SPTLC3: variants seen among roughly 807,000 people sequenced by gnomAD.
SPTLC3 encodes serine palmitoyltransferase 3.
A neutral mutation model predicts 59.3 loss-of-function variants in SPTLC3; 36 were observed. That is an observed-to-expected ratio of 0.61 (90% CI 0.47 to 0.80). The LOEUF is 0.80. SPTLC3 is among the 30% of genes least tolerant of loss of function. The pLI, the probability that SPTLC3 is intolerant of heterozygous loss-of-function variation, is 0.00. For missense variants in SPTLC3, 625 were observed against 685.1 expected, an observed-to-expected ratio of 0.91 and a Z score of 0.98; for synonymous variants, 257 against 240.8, an observed-to-expected ratio of 1.07 and a Z score of -0.62.
At chr20:13,148,926 T>C (rs1349367152) in intron 9 of SPTLC3, among the ~76,000 whole-genome samples, 1 of 152,214 alleles carries the variant, frequency 6.6e-6, no homozygotes, top group African/African-American at 2.4e-5. Flanking sequence ...GTAAACACTT[T>C]TCCCACATTA....
chr20:13,089,798 A>G (rs1034662128), intron 4 of SPTLC3, among the ~76,000 whole-genome samples: 241 of 113,152 alleles, frequency 2.1e-3, no homozygotes, highest in Non-Finnish European at 2.6e-3. Context: ...AAAAAAAAAA[A>G]AAAAAACAAA....
intron 6 of SPTLC3, among the ~76,000 whole-genome samples, chr20:13,104,778 CA>C (rs1375511677): frequency 2.0e-5 from 3 of 152,246 alleles, no homozygotes; most frequent in Middle Eastern, 3.4e-3. Flanking sequence ...TAGATGGTGT[CA>C]AAATTATACT....
chr20:13,137,892 T>C (rs1312585594), intron 9 of SPTLC3, among the ~76,000 whole-genome samples: 1 of 152,122 alleles, frequency 6.6e-6, no homozygotes, highest in East Asian at 1.9e-4. Flanking sequence ...ACTCCAAACA[T>C]AGGTCCCCCT....
At chr20:13,156,768 G>A (rs2038777158) in intron 10 of SPTLC3, among the ~76,000 whole-genome samples, 1 of 152,138 alleles carries the variant, frequency 6.6e-6, no homozygotes, top group African/African-American at 2.4e-5. Context: ...ATCAGTGGTA[G>A]CCATTTCACT....
chr20:13,078,189 T>A (rs993652216), intron 4 of SPTLC3, among the ~76,000 whole-genome samples: 1 of 133,250 alleles, frequency 7.5e-6, no homozygotes, highest in African/African-American at 2.9e-5. Flanking sequence ...AAAGAAAATA[T>A]AAATATAAAT....
At chr20:13,067,317 T>C (rs2122556269) in intron 2 of SPTLC3, among the ~76,000 whole-genome samples, 1 of 152,160 alleles carries the variant, frequency 6.6e-6, no homozygotes, top group East Asian at 1.9e-4. Context: ...GATGAAGGGA[T>C]CTACCCTCAC....
intron 7 of SPTLC3, among the ~76,000 whole-genome samples, chr20:13,112,767 G>A (rs1021472043): frequency 9.2e-5 from 14 of 152,152 alleles, no homozygotes; most frequent in Admixed American, 2.6e-4. Context: ...AGCCTCAATC[G>A]CTCTTGGGGG....
intron 1 of SPTLC3, among the ~76,000 whole-genome samples, chr20:13,020,610 T>C (rs1985830320): frequency 6.6e-6 from 1 of 152,226 alleles, no homozygotes; most frequent in Non-Finnish European, 1.5e-5. Context: ...TATTTTTATA[T>C]ACTCTTTTAA....
chr20:13,054,431 G>A (rs1478998263), intron 2 of SPTLC3, among the ~76,000 whole-genome samples: 1 of 152,200 alleles, frequency 6.6e-6, no homozygotes, highest in Non-Finnish European at 1.5e-5. Context: ...GACATTAAGA[G>A]GTTGATGCAG....
At chr20:13,028,159 A>C (rs1986251559) in intron 1 of SPTLC3, among the ~76,000 whole-genome samples, 1 of 152,208 alleles carries the variant, frequency 6.6e-6, no homozygotes, top group African/African-American at 2.4e-5. Context: ...AGTCCTAAGG[A>C]AACTTGGCTC....
rs371553499 is a variant in SPTLC3, at chr20:13,164,823, C to T, written c.1615C>T (p.Arg539Cys). Residue 539 changes from arginine (R) to cysteine (C), a missense_variant, in exon 12 of 12, where the codon CGT (arginine) becomes TGT (cysteine). Coordinates refer to ENST00000399002, the MANE Select transcript of SPTLC3 (RefSeq NM_018327.4). ...LKYSRHKKSA[R>C]PELYDETSFE... ...ATATTCCCGGCACAAGAAGTCAGCA[C>T]GTCCTGAGCTCTATGATGAGACGAG... 134 of 1,613,690 alleles carry T rather than the reference C, an allele frequency of 8.3e-5. No individual in the cohort carries two copies. The highest frequency in any genetic ancestry group is 1.1e-4 in the Non-Finnish European group (126 of 1,179,868).
At position 13,160,137 on chromosome 20, in the gene SPTLC3, G is replaced by A. The variant is rs770622054; in HGVS notation, c.1545+5G>A. 1.2e-6 allele frequency: 2 copies of A among 1,613,256 alleles called. No homozygotes were observed. Among genetic ancestry groups the A allele is most frequent in the Non-Finnish European group, 1.7e-6 (2 of 1,179,480 alleles). On this transcript the variant is annotated splice_donor_5th_base_variant and intron_variant, in intron 11 of 11. Transcript: ENST00000399002. ...ACCCGGGAGATGTTAGACACGGTGA[G>A]TACACCACAGGCCAACGGGATCTCA...
At chr20:13,043,832 C>T (rs1987102100) in intron 1 of SPTLC3, among the ~76,000 whole-genome samples, 1 of 152,180 alleles carries the variant, frequency 6.6e-6, no homozygotes, top group Admixed American at 6.5e-5. Context: ...GCTCCCTGTC[C>T]CATTGCCTTC....
intron 2 of SPTLC3, among the ~76,000 whole-genome samples, chr20:13,059,958 ACT>A (rs1411253110): frequency 1.3e-5 from 2 of 151,454 alleles, no homozygotes; most frequent in African/African-American, 4.9e-5. Flanking sequence ...CCTGCCTATC[ACT>A]CTGTTACTTA....
At chr20:13,032,237 C>T (rs1423227605) in intron 1 of SPTLC3, among the ~76,000 whole-genome samples, 1 of 152,146 alleles carries the variant, frequency 6.6e-6, no homozygotes, top group Non-Finnish European at 1.5e-5. Flanking sequence ...AATAATGCAG[C>T]CATTGCAGGA....
In SPTLC3 at chr20:13,160,233, G is replaced by A. The variant is rs2038867510; in HGVS notation, c.1545+101G>A. 7.2e-6 allele frequency: 10 copies of A among 1,389,606 alleles called. No homozygotes were observed. In the Admixed American group the frequency reaches 1.3e-4, roughly 18 times the overall value. 86.1% of individuals were successfully genotyped at this position (1,389,606 alleles called of 1,614,324 possible). A position where few individuals can be genotyped will look rare whatever the true frequency, so the allele number is the denominator to read the frequency against. Reference sequence around the variant, plus strand: ...TTGGGGTTCTCTGGGTTTCTCTTGGGTTATTTAGGAAAACAACACTGACAA... The same window carrying A: ...TTGGGGTTCTCTGGGTTTCTCTTGGATTATTTAGGAAAACAACACTGACAA... On this transcript the variant is annotated intron_variant, in intron 11 of 11. Transcript: ENST00000399002.
intron 4 of SPTLC3, among the ~76,000 whole-genome samples, chr20:13,077,572 A>G (rs1488503789): frequency 6.6e-6 from 1 of 152,058 alleles, no homozygotes; most frequent in African/African-American, 2.4e-5. Flanking sequence ...TTAATAAGAA[A>G]CTAACAAGTA....
intron 5 of SPTLC3, 56 bp from the exon 6 acceptor site, chr20:13,093,428 G>C: frequency 6.5e-7 from 1 of 1,534,966 alleles, no homozygotes. Flanking sequence ...CCCACAAGTT[G>C]TTTTTCCTTG....
At chr20:13,087,914 AG>A (rs1455059588) in intron 4 of SPTLC3, among the ~76,000 whole-genome samples, 3 of 152,234 alleles carry the variant, frequency 2.0e-5, no homozygotes, top group African/African-American at 7.2e-5. Context: ...GAAAAGATGA[AG>A]GGCAAAAAAT....
Sources: gnomAD v4.1 joint callset for allele counts (sites outside exome capture counted in the v4.1 genomes callset) on GRCh38, gnomAD v4.1.1 for gene constraint, MANE v1.5 for transcripts, NCBI Gene and HGNC (gene_info 2026-07-23, HGNC 2026-07-21) for gene names.